BANK1: variants seen among roughly 807,000 people sequenced by gnomAD.
BANK1 encodes the protein B cell scaffold protein with ankyrin repeats 1.
Under a neutral mutation model 94.5 loss-of-function variants are expected in BANK1, and 95 were observed. The ratio of observed to expected loss-of-function variants is 1.00; its 90% CI spans 0.85 to 1.19. The LOEUF is 1.19. Among genes scored for constraint, BANK1 ranks in the 50% most tolerant of loss-of-function variants. The probability of loss-of-function intolerance (pLI) is 0.00; values close to 1 mark genes in which losing one functional copy is unlikely to be tolerated. For missense variants in BANK1, 987 were observed against 932.2 expected, an observed-to-expected ratio of 1.06 and a Z score of -0.77; for synonymous variants, 334 against 308.4, an observed-to-expected ratio of 1.08 and a Z score of -0.87.
intron 3 of BANK1, among the ~76,000 whole-genome samples, chr4:101,855,875 G>A (rs899227062): frequency 1.3e-5 from 2 of 152,188 alleles, no homozygotes; most frequent in East Asian, 1.9e-4. Context: ...CTGGGCAGGT[G>A]ACTGTGGGAA....
intron 7 of BANK1, among the ~76,000 whole-genome samples, chr4:101,932,183 G>A (rs554242727): frequency 5.3e-5 from 8 of 151,442 alleles, no homozygotes; most frequent in South Asian, 4.2e-4. Flanking sequence ...CCAAAACATC[G>A]GTGGATCCTT....
chr4:101,823,601 A>C (rs943174803), intron 1 of BANK1, among the ~76,000 whole-genome samples: 3 of 152,232 alleles, frequency 2.0e-5, no homozygotes, highest in Non-Finnish European at 2.9e-5. Flanking sequence ...AAGTGATTAG[A>C]GGTGGGATTA....
chr4:101,854,521 A>G (rs1263393872), intron 2 of BANK1, among the ~76,000 whole-genome samples: 2 of 152,186 alleles, frequency 1.3e-5, no homozygotes, highest in Non-Finnish European at 2.9e-5. Flanking sequence ...TTTGGTAAGT[A>G]CTAGTATTTC....
chr4:102,025,632 T>G, intron 9 of BANK1, 123 bp downstream of exon 9: 1 of 857,268 alleles, frequency 1.2e-6, no homozygotes, highest in Non-Finnish European at 1.7e-6. Flanking sequence ...AATAGCAACA[T>G]TCTTCCTATT....
chr4:102,051,596 A>T (rs1434864677), intron 11 of BANK1, among the ~76,000 whole-genome samples: 1 of 152,174 alleles, frequency 6.6e-6, no homozygotes, highest in Non-Finnish European at 1.5e-5. Context: ...AAAAATCAGT[A>T]GTCTACCCCT....
intron 7 of BANK1, among the ~76,000 whole-genome samples, chr4:101,970,036 C>G (rs59473510): frequency 8.9e-4 from 136 of 152,206 alleles, no homozygotes; most frequent in African/African-American, 3.1e-3. Flanking sequence ...GTAAGACAGT[C>G]TTGAGTTTTA....
intron 6 of BANK1, among the ~76,000 whole-genome samples, chr4:101,899,016 A>C (rs1387983527): frequency 6.6e-6 from 1 of 152,102 alleles, no homozygotes; most frequent in Non-Finnish European, 1.5e-5. Context: ...ATCAACACTG[A>C]GGAGATTTTA....
chr4:102,068,103 C>G (rs1728649268), intron 13 of BANK1, among the ~76,000 whole-genome samples: 1 of 151,820 alleles, frequency 6.6e-6, no homozygotes, highest in Admixed American at 6.6e-5. Context: ...AATAAGAAAT[C>G]ATAAGAAAGT....
intron 9 of BANK1, among the ~76,000 whole-genome samples, chr4:102,026,732 G>GA (rs1472134086): frequency 3.4e-5 from 5 of 149,064 alleles, no homozygotes; most frequent in Non-Finnish European, 7.4e-5. Context: ...TGAGGCAGGA[G>GA]AATCGCTTGA....
At chr4:101,871,173 T>C (rs1233824143) in intron 5 of BANK1, among the ~76,000 whole-genome samples, 2 of 152,130 alleles carry the variant, frequency 1.3e-5, no homozygotes, top group African/African-American at 4.8e-5. Context: ...TTGTGAAAAT[T>C]ATTTTTTCTT....
chr4:101,871,714 T>C lies in BANK1; in HGVS notation c.903+1070T>C, dbSNP rs1043771848. ...TAAAAAACAGACTGTTTCATTTTCT[T>C]GTGACAAGTCCACCTTATCCTCTAC... On this transcript the variant is annotated intron_variant, in intron 5 of 16. Coordinates refer to ENST00000322953, the MANE Select transcript of BANK1 (RefSeq NM_017935.5). Among the ~76,000 whole-genome samples, 9 of 152,170 alleles carry C rather than the reference T, an allele frequency of 5.9e-5. No homozygotes were observed. In the East Asian group the frequency reaches 1.5e-3, roughly 26 times the overall value.
At chr4:101,916,530 G>A (rs953598805) in intron 6 of BANK1, among the ~76,000 whole-genome samples, 2 of 151,846 alleles carry the variant, frequency 1.3e-5, no homozygotes, top group Non-Finnish European at 2.9e-5. Context: ...TTTTGAAATC[G>A]TTGGTTTGAT....
Position 102,030,552 on chromosome 4 carries a change from T to C in BANK1, c.1900+287T>C, listed in dbSNP as rs186453472. ...GTACCCATCAACCCGTCACCTACAT[T>C]GGGTATTTCTCCTAATGTTATCTCT... is the stretch of plus-strand genomic sequence containing the variant. On this transcript the variant is annotated intron_variant, in intron 10 of 16. Transcript: ENST00000322953. Among the ~76,000 whole-genome samples the C allele has an allele frequency of 1.4e-3, 216 of 152,034 alleles. 1 individual carries two copies. Among genetic ancestry groups the C allele is most frequent in the African/African-American group, 5.1e-3 (213 of 41,454 alleles).
In BANK1 at chr4:101,815,678, A is replaced by G. The variant is rs1725887716; in HGVS notation, c.71-14130A>G. ...AGATATTTAAAAATTAATAGGTTTTAAAATGTATTTTAAATACTTTAAGTA... is the reference window on the plus strand; with the variant it reads ...AGATATTTAAAAATTAATAGGTTTTGAAATGTATTTTAAATACTTTAAGTA... On this transcript the variant is annotated intron_variant, in intron 1 of 16. Coordinates refer to ENST00000322953, the MANE Select transcript of BANK1 (RefSeq NM_017935.5). Among the ~76,000 whole-genome samples, 5 of 152,132 alleles carry G rather than the reference A, an allele frequency of 3.3e-5. No homozygotes were observed. In the South Asian group the frequency reaches 1.0e-3, roughly 31 times the overall value.
rs73836621 is a variant in BANK1, at chr4:101,870,640, G to T, written c.899G>T (p.Cys300Phe). Residue 300 changes from cysteine to phenylalanine, a missense_variant, in exon 5 of 17, where the codon TGC becomes TTC. Cys to Phe is a radical substitution (Grantham distance 205). Coordinates refer to ENST00000322953, the MANE Select transcript of BANK1 (RefSeq NM_017935.5). ...ATGGCAGATTCAGGAGAGAGTTTGTGCCAGGTAAGTTAATCTTTCCACGAA... is the reference window on the plus strand; with the variant it reads ...ATGGCAGATTCAGGAGAGAGTTTGTTCCAGGTAAGTTAATCTTTCCACGAA... ...FRMADSGESL[C>F]QNSIEELDGV... 227 of 1,609,310 alleles carry T rather than the reference G, an allele frequency of 1.4e-4. No individual in the cohort carries two copies. In the African/African-American group the frequency reaches 2.7e-3, roughly 19 times the overall value.
intron 11 of BANK1, among the ~76,000 whole-genome samples, chr4:102,057,335 TCTTTCTCTCTCTCTCG>T (rs1226358838): frequency 2.6e-4 from 40 of 151,310 alleles, no homozygotes; most frequent in South Asian, 6.4e-4. Flanking sequence ...TCTCTCTCTC[TCTTTCTCTCTCTCTCG>T]CTTTCTCTCT....
chr4:101,986,787 G>GTGTATATATA (rs1156274345), intron 7 of BANK1, among the ~76,000 whole-genome samples: 3 of 89,162 alleles, frequency 3.4e-5, no homozygotes, highest in Non-Finnish European at 4.7e-5. Context: ...TTATATATGT[G>GTGTATATATA]TGTATATATA....
At chr4:101,997,734 G>A (rs1725928954) in intron 7 of BANK1, among the ~76,000 whole-genome samples, 1 of 152,006 alleles carries the variant, frequency 6.6e-6, no homozygotes, top group Admixed American at 6.6e-5. Context: ...ATTCTCTGAT[G>A]GTAGTTTGTA....
At chr4:101,815,730 T>G (rs1156489697) in intron 1 of BANK1, among the ~76,000 whole-genome samples, 5 of 152,124 alleles carry the variant, frequency 3.3e-5, no homozygotes, top group African/African-American at 1.2e-4. Context: ...CCACCAGAGC[T>G]CTAGACATGT....
Sources: allele counts gnomAD v4.1 joint callset (sites outside exome capture counted in the v4.1 genomes callset), GRCh38; gene constraint gnomAD v4.1.1; transcripts MANE v1.5; gene names NCBI Gene and HGNC (gene_info 2026-07-23, HGNC 2026-07-21).